The following ADGRF3 variants were observed in gnomAD, a reference collection of about 807,000 sequenced individuals.
The protein encoded by ADGRF3 is G protein-coupled receptor 113.
ADGRF3 carries 85 observed loss-of-function variants against 93.2 expected under a neutral mutation model. That is an observed-to-expected ratio of 0.91 (90% confidence interval 0.77 to 1.09). The LOEUF (loss-of-function observed/expected upper bound fraction) is 1.09. Among genes scored for constraint, ADGRF3 ranks in the 50% least tolerant of loss-of-function variants. The pLI, the probability that ADGRF3 is intolerant of heterozygous loss-of-function variation, is 0.00. For synonymous variants in ADGRF3, 534 were observed against 532.5 expected (o/e 1.00, Z -0.04); for missense variants, 1,125 against 1,246.2 (o/e 0.90, Z 1.46).
At position 26,311,301 on chromosome 2, in the gene ADGRF3, G is replaced by T. The variant is rs926722779; in HGVS notation, c.2223C>A (p.His741Gln). Residue 741 changes from histidine (H) to glutamine (Q), a missense_variant, in exon 10 of 14, where the codon CAC (histidine) becomes CAA (glutamine). By Grantham distance (24) the His-to-Gln change is conservative. Transcript: ENST00000651242. ...AGAACACCATGTTGAGCAGGGCGGC[G>T]TGGCGGAAATAGGAGATCTTGTTCC... ...VVRNKISYFRHAALLNMVFCL... is the reference protein window; with the variant it reads ...VVRNKISYFRQAALLNMVFCL... The T allele has an allele frequency of 1.9e-6, 3 of 1,613,762 alleles. No individual in the cohort carries two copies. Among genetic ancestry groups the T allele is most frequent in the Non-Finnish European group, 2.5e-6 (3 of 1,179,884 alleles).
At position 26,311,439 on chromosome 2, in the gene ADGRF3, A is replaced by G; in HGVS notation, c.2085T>C (p.Thr695=). 6.2e-7 allele frequency: 1 copy of G among 1,614,062 alleles called. No homozygotes were observed. Among genetic ancestry groups the G allele is most frequent in the Non-Finnish European group, 8.5e-7 (1 of 1,179,904 alleles). ...TAFSVLMSPH[T]VPEEPALALL... ...GCGCCAGAGCGGGTTCTTCCGGAAC[A>G]GTGTGTGGGGACATGAGGACGGAGA... is the stretch of plus-strand genomic sequence containing the variant. The change falls in exon 10 of 14, where the codon ACT becomes ACC. Residue 695 remains threonine (T), a synonymous_variant. Transcript: ENST00000651242.
intron 1 of ADGRF3, among the ~76,000 whole-genome samples, chr2:26,345,122 C>T (rs1676631792): frequency 6.6e-6 from 1 of 152,138 alleles, no homozygotes; most frequent in Admixed American, 6.5e-5. Context: ...AACTAAGTGA[C>T]TCTGGGCAGG....
In ADGRF3 at chr2:26,310,106, C is replaced by T. The variant is rs750176435; in HGVS notation, c.2875-1G>A. The T allele has an allele frequency of 1.2e-6, 2 of 1,613,908 alleles. No homozygotes were observed. The highest frequency in any genetic ancestry group is 1.3e-5 in the African/African-American group (1 of 74,936). The stretch of plus-strand genomic sequence containing the variant: ...AGCGTTTGCGCAAAGCTTCTTGTAT[C>T]TGCGGGAGAGGTAAATGCTCTGCTT... On this transcript the variant is annotated splice_acceptor_variant, in intron 11 of 13. Coordinates refer to ENST00000651242, the MANE Select transcript of ADGRF3 (RefSeq NM_001321971.2). LOFTEE classifies it high-confidence loss of function.
intron 1 of ADGRF3, among the ~76,000 whole-genome samples, chr2:26,332,730 A>AGACT (rs1055260044): frequency 1.3e-5 from 2 of 152,092 alleles, no homozygotes; most frequent in Admixed American, 1.3e-4. Flanking sequence ...ACAGAGTGAC[A>AGACT]GTCTGTCTCA....
chr2:26,317,836 T>C (rs866850706), intron 1 of ADGRF3, among the ~76,000 whole-genome samples: 3 of 152,262 alleles, frequency 2.0e-5, no homozygotes, highest in African/African-American at 4.8e-5. Context: ...TACCTGTCCC[T>C]GGGCCTCTAG....
At chr2:26,343,571 C>A (rs2147932542) in intron 1 of ADGRF3, among the ~76,000 whole-genome samples, 1 of 152,252 alleles carries the variant, frequency 6.6e-6, no homozygotes, top group East Asian at 1.9e-4. Flanking sequence ...TTCCGAGTAG[C>A]TGGGACTACA....
At chr2:26,338,557 G>A (rs1676183233) in intron 1 of ADGRF3, among the ~76,000 whole-genome samples, 1 of 152,148 alleles carries the variant, frequency 6.6e-6, no homozygotes, top group Non-Finnish European at 1.5e-5. Context: ...CTGCCTCCCA[G>A]GTTTAAGTGA....
chr2:26,316,915 T>C lies in ADGRF3; in HGVS notation c.322A>G (p.Thr108Ala), dbSNP rs1674745052. 4.4e-6 allele frequency: 7 copies of C among 1,603,958 alleles called. No homozygotes were observed. Among genetic ancestry groups the C allele is most frequent in the Non-Finnish European group, 5.1e-6 (6 of 1,177,120 alleles). The change falls in exon 3 of 14, where the codon ACA (threonine) becomes GCA (alanine). Residue 108 changes from threonine (T) to alanine (A), a missense_variant. Transcript: ENST00000651242. ...CCCCTTCCCACGCAAGTGGTACCTG[T>C]TGTGAGTCTGAGGCCAGTGAGAAGA... ...RPLLTGLRLT[T>A]ECNVNHKGNF...
At chr2:26,329,508 G>A (rs1376870095) in intron 1 of ADGRF3, among the ~76,000 whole-genome samples, 1 of 152,230 alleles carries the variant, frequency 6.6e-6, no homozygotes, top group African/African-American at 2.4e-5. Flanking sequence ...GTTGGAAAGA[G>A]CAAGCAAATG....
chr2:26,315,220 T>C (rs562827113), intron 5 of ADGRF3, among the ~76,000 whole-genome samples: 101 of 152,244 alleles, frequency 6.6e-4, no homozygotes, highest in Middle Eastern at 6.8e-3. Context: ...ATTAGGACAA[T>C]AGTTGTGACT....
chr2:26,328,454 G>GTTTTTTTTTTTTTTTTTTTTTT, intron 1 of ADGRF3, among the ~76,000 whole-genome samples: 1 of 132,082 alleles, frequency 7.6e-6, no homozygotes, highest in Non-Finnish European at 1.6e-5. Context: ...GGCCTTTTTA[G>GTTTTTTTTTTTTTTTTTTTTTT]TTTTTTTTTT....
chr2:26,309,408 G>C, intron 13 of ADGRF3, 118 bp downstream of exon 13: 16 of 1,534,298 alleles, frequency 1.0e-5, no homozygotes, highest in Non-Finnish European at 1.4e-5. Flanking sequence ...CCTACCCTTT[G>C]GTGTGGGCTG....
rs1272083011 is a variant in ADGRF3, at chr2:26,317,007, G to A, written c.230C>T (p.Thr77Ile). Residue 77 changes from threonine to isoleucine, a missense_variant, in exon 3 of 14, where the codon ACC becomes ATC. Physicochemically the swap from Thr to Ile is moderately conservative, Grantham distance 89 (BLOSUM62 -1). Coordinates refer to ENST00000651242, the MANE Select transcript of ADGRF3 (RefSeq NM_001321971.2). ...TGTCCTGGAGAGTTCAGGGGGCCAG[G>A]TCTTATCTGGAAAGTCCAGATGTAC... is the stretch of plus-strand genomic sequence containing the variant. ...VYVHLDFPDKTWPPELSRTLT... is the reference protein window; with the variant it reads ...VYVHLDFPDKIWPPELSRTLT... The A allele has an allele frequency of 1.2e-6, 2 of 1,613,016 alleles. No homozygotes were observed. The highest frequency in any genetic ancestry group is 1.7e-6 in the Non-Finnish European group (2 of 1,179,530).
chr2:26,312,897 GC>G (rs527793400), intron 9 of ADGRF3, 45 bp downstream of exon 9: 1 of 1,535,004 alleles, frequency 6.5e-7, no homozygotes, highest in Non-Finnish European at 8.8e-7. Flanking sequence ...GGAGTCTTCA[GC>G]CCCCGACTGC....
Position 26,312,028 on chromosome 2 carries a change from G to T in ADGRF3, c.1496C>A (p.Ser499Tyr). 6.2e-7 allele frequency: 1 copy of T among 1,612,812 alleles called. No individual in the cohort carries two copies. Among genetic ancestry groups the T allele is most frequent in the South Asian group, 1.1e-5 (1 of 91,048 alleles). ...CCGGGCTTGGGCCAGGGTCCACAGA[G>T]ACCTGGTGTCCATATCTAGGACCTT... ...TDKVLDMDTR[S>Y]LWTLAQARKP... Residue 499 changes from serine to tyrosine, a missense_variant, in exon 10 of 14, where the codon TCT becomes TAT. Transcript: ENST00000651242.
At chr2:26,324,116 C>T (rs1240546431) in intron 1 of ADGRF3, among the ~76,000 whole-genome samples, 1 of 151,966 alleles carries the variant, frequency 6.6e-6, no homozygotes, top group Non-Finnish European at 1.5e-5. Flanking sequence ...CTGGGTGTGG[C>T]GGCACATGCT....
Position 26,315,770 on chromosome 2 carries a change from G to A in ADGRF3, c.500-30C>T, listed in dbSNP as rs79281801. The A allele has an allele frequency of 8.5e-3, 13,232 of 1,550,360 alleles. 112 individuals are homozygous for A. Among genetic ancestry groups the A allele is most frequent in the Middle Eastern group, 0.035 (177 of 5,074 alleles). Reference sequence around the variant, plus strand: ...AGGGAGGCAGGTGACAGGGGACCCTGGAGGAGGGACTTATGGCCCTCAGAT... The same window carrying A: ...AGGGAGGCAGGTGACAGGGGACCCTAGAGGAGGGACTTATGGCCCTCAGAT... On this transcript the variant is annotated intron_variant, in intron 4 of 13. Coordinates refer to ENST00000651242, the MANE Select transcript of ADGRF3 (RefSeq NM_001321971.2).
intron 5 of ADGRF3, 55 bp downstream of exon 5, chr2:26,315,467 A>C (rs1674564350): frequency 1.3e-6 from 2 of 1,516,152 alleles, no homozygotes; most frequent in African/African-American, 2.8e-5. Context: ...GAAGACGAGG[A>C]TGAAGGGAAG....
At chr2:26,342,239 T>C (rs1346396614) in intron 1 of ADGRF3, among the ~76,000 whole-genome samples, 16 of 152,196 alleles carry the variant, frequency 1.1e-4, no homozygotes, top group Admixed American at 1.0e-3. Flanking sequence ...TTCCACTCTA[T>C]ACAATTGGAA....
Sources: gnomAD v4.1 joint callset for allele counts (sites outside exome capture counted in the v4.1 genomes callset) on GRCh38, gnomAD v4.1.1 for gene constraint, MANE v1.5 for transcripts, NCBI Gene and HGNC (gene_info 2026-07-23, HGNC 2026-07-21) for gene names.